Variants in DNAH17 observed in about 807,000 individuals in gnomAD.
DNAH17 encodes axonemal beta dynein heavy chain 17.
Under a neutral mutation model 485.6 loss-of-function variants are expected in DNAH17, and 376 were observed. The ratio of observed to expected loss-of-function variants is 0.77; its 90% CI spans 0.71 to 0.84. DNAH17 has a LOEUF of 0.84. Ranked by LOEUF, DNAH17 falls within the 40% of genes least tolerant of loss-of-function variation. The pLI is 0.00. For synonymous variants in DNAH17, 3,031 were observed against 2,405.9 expected, an observed-to-expected ratio of 1.26 and a Z score of -7.60; for missense variants, 6,370 against 5,839.3, an observed-to-expected ratio of 1.09 and a Z score of -2.96.
intron 26 of DNAH17, 54 bp downstream of exon 26, chr17:78,514,720 C>A: frequency 6.3e-7 from 1 of 1,582,620 alleles, no homozygotes; most frequent in Admixed American, 1.8e-5. Context: ...GCCCATCCTG[C>A]AGCAGAGCTG....
At chr17:78,509,655 C>T (rs533945300) in intron 27 of DNAH17, among the ~76,000 whole-genome samples, 4 of 152,066 alleles carry the variant, frequency 2.6e-5, no homozygotes, top group Non-Finnish European at 5.9e-5. Context: ...TAGCCAGTGG[C>T]GCATTAACAA....
rs557990398 is a variant in DNAH17 at position 78,522,163 on chromosome 17, CAGG to C, written c.3864+2843_3864+2845del. 3.4e-3 allele frequency: 531 copies of C among 157,232 alleles called. 1 individual carries two copies. Among genetic ancestry groups the C allele is most frequent in the Non-Finnish European group, 6.0e-3 (428 of 71,452 alleles). The allele number at this position is 157,232 out of a possible 1,614,324, so 9.7% of individuals were successfully genotyped here. On this transcript the variant is annotated intron_variant, in intron 25 of 80. Transcript: ENST00000389840. ...AAAAAACTTAGTTTTGGTTGCCGGG[CAGG>C]AGGAAGGTGCTGGCTGCAGAGGGAA...
Position 78,570,234 on chromosome 17 carries a change from A to G in DNAH17, c.1044+13T>C, listed in dbSNP as rs1555697807. 33 of 1,572,734 alleles carry G rather than the reference A, an allele frequency of 2.1e-5. 1 individual carries two copies. The South Asian group carries it at 3.7e-4, about 18-fold the overall frequency. On this transcript the variant is annotated intron_variant, in intron 7 of 80. Coordinates refer to ENST00000389840, the MANE Select transcript of DNAH17 (RefSeq NM_173628.4). ...AGGGGAGGAAGGGGACCCAGGGGCC[A>G]GGGGAGGGTTACCATCTCGATGATT...
At chr17:78,435,741 A>G (rs141883166) in intron 74 of DNAH17, among the ~76,000 whole-genome samples, 3 of 152,206 alleles carry the variant, frequency 2.0e-5, no homozygotes, top group Non-Finnish European at 4.4e-5. Context: ...ACTGGCAGAA[A>G]CCGTTCCAGG....
Position 78,571,795 on chromosome 17 carries a change from A to G in DNAH17, c.540-13T>C. 6.4e-7 allele frequency: 1 copy of G among 1,562,514 alleles called. No individual in the cohort carries two copies. Among genetic ancestry groups the G allele is most frequent in the South Asian group, 1.2e-5 (1 of 81,762 alleles). The stretch of plus-strand genomic sequence containing the variant: ...TGAAGAGGGGATCCTGCCCAGTGGA[A>G]GGTTGGGGCATTGCTCTCATGGCGA... On this transcript the variant is annotated splice_polypyrimidine_tract_variant and intron_variant, in intron 3 of 80. Coordinates refer to ENST00000389840, the MANE Select transcript of DNAH17 (RefSeq NM_173628.4).
intron 48 of DNAH17, among the ~76,000 whole-genome samples, chr17:78,484,591 G>A (rs919695601): frequency 2.6e-5 from 4 of 152,116 alleles, no homozygotes; most frequent in Non-Finnish European, 4.4e-5. Context: ...CTCCGCGGGG[G>A]CTCTAGGCCA....
chr17:78,565,953 AAAAC>A (rs1392823116), intron 11 of DNAH17, among the ~76,000 whole-genome samples: 32 of 151,684 alleles, frequency 2.1e-4, no homozygotes, highest in East Asian at 7.7e-4. Context: ...TCCATCTCAA[AAAAC>A]AAACAAACAA....
At chr17:78,460,374 G>C in intron 58 of DNAH17, 117 bp from the exon 59 acceptor site, 1 of 697,818 alleles carries the variant, frequency 1.4e-6, no homozygotes, top group Non-Finnish European at 2.3e-6. Flanking sequence ...ACGTGCATGA[G>C]TGTATGTGTG....
intron 69 of DNAH17, among the ~76,000 whole-genome samples, chr17:78,447,660 A>C (rs78805314): frequency 1.3e-5 from 2 of 152,060 alleles, no homozygotes; most frequent in African/African-American, 4.8e-5. Context: ...GCACTGAGGA[A>C]CTCTTATCCT....
intron 22 of DNAH17, 68 bp downstream of exon 22, chr17:78,529,404 G>A: frequency 2.0e-6 from 3 of 1,500,098 alleles, no homozygotes; most frequent in Non-Finnish European, 2.8e-6. Context: ...TGATGGGCTG[G>A]TCCATGGTCG....
intron 48 of DNAH17, among the ~76,000 whole-genome samples, chr17:78,482,338 T>TC (rs34955437): frequency 1.3e-5 from 2 of 152,160 alleles, no homozygotes; most frequent in Admixed American, 6.6e-5. Context: ...TTTGTTTTTT[T>TC]CCCCCATTAT....
At position 78,485,863 on chromosome 17, in the gene DNAH17, G is replaced by A. The variant is rs1598555689; in HGVS notation, c.7275+97C>T. 23 of 1,568,956 alleles carry A rather than the reference G, an allele frequency of 1.5e-5. 1 individual carries two copies. In the East Asian group the frequency reaches 1.8e-4, roughly 12 times the overall value. ...CGAACAGGTCCTAATGTTGAAAATCGGTTGTGTTTGGACATTCCGTGCAGG... is the reference window on the plus strand; with the variant it reads ...CGAACAGGTCCTAATGTTGAAAATCAGTTGTGTTTGGACATTCCGTGCAGG... On this transcript the variant is annotated intron_variant, in intron 46 of 80. Coordinates refer to ENST00000389840, the MANE Select transcript of DNAH17 (RefSeq NM_173628.4).
Position 78,491,560 on chromosome 17 carries a change from G to A in DNAH17, c.6552C>T (p.Ser2184=), listed in dbSNP as rs749068988. ...VTREWKDGLF[S]TIMRDLANIT... The stretch of plus-strand genomic sequence containing the variant: ...TGTTGGCCAGGTCTCGCATGATGGT[G>A]GAGAACAGGCCTGGGGGAGGCGCGT... Residue 2184 remains serine (S), a synonymous_variant, in exon 43 of 81, where the codon TCC becomes TCT. Transcript: ENST00000389840. The A allele has an allele frequency of 1.2e-6, 2 of 1,613,816 alleles. No homozygotes were observed. The highest frequency in any genetic ancestry group is 8.5e-7 in the Non-Finnish European group (1 of 1,179,914).
At position 78,502,984 on chromosome 17, in the gene DNAH17, C is replaced by T. The variant is rs1598602171; in HGVS notation, c.4984G>A (p.Asp1662Asn). 2.5e-6 allele frequency: 4 copies of T among 1,613,808 alleles called. No homozygotes were observed. The highest frequency in any genetic ancestry group is 2.2e-5 in the East Asian group (1 of 44,876). Residue 1662 changes from aspartate to asparagine, a missense_variant, in exon 32 of 81, where the codon GAC (aspartate) becomes AAC (asparagine). Physicochemically the swap from Asp to Asn is conservative, Grantham distance 23. Coordinates refer to ENST00000389840, the MANE Select transcript of DNAH17 (RefSeq NM_173628.4). ...QVEVWLNRVL[D>N]RMCSTLRHEI... ...TGCCGGAGGGTAGAGCACATTCGGT[C>T]CAGCACTCGATTCAGCCACACTTCC...
At chr17:78,534,013 TA>T (rs1056419715) in intron 19 of DNAH17, among the ~76,000 whole-genome samples, 1 of 151,966 alleles carries the variant, frequency 6.6e-6, no homozygotes, top group African/African-American at 2.4e-5. Flanking sequence ...AAAAATAAAA[TA>T]AAAAAACCTT....
rs201318737 is a variant in DNAH17, at chr17:78,568,104, C to CT, written c.1285-939dup. On this transcript the variant is annotated intron_variant, in intron 9 of 80. Coordinates refer to ENST00000389840, the MANE Select transcript of DNAH17 (RefSeq NM_173628.4). ...ACCCGACGCGGAGGACACAGACAAG[C>CT]TGGCATGGCCTGTTGTCAGGGGGTG... is the stretch of plus-strand genomic sequence containing the variant. 6.9e-3 allele frequency among the ~76,000 whole-genome samples: 1,053 copies of CT among 152,328 alleles called. 13 individuals are homozygous for CT. Among genetic ancestry groups the CT allele is most frequent in the African/African-American group, 0.024 (1,005 of 41,566 alleles).
Position 78,454,461 on chromosome 17 carries a change from C to T in DNAH17, c.10406+9G>A, listed in dbSNP as rs772665692. 59 of 1,605,988 alleles carry T rather than the reference C, an allele frequency of 3.7e-5. No homozygotes were observed. Among genetic ancestry groups the T allele is most frequent in the Non-Finnish European group, 4.8e-5 (56 of 1,176,072 alleles). ...CGGGCTTCGGCCCAGGTCCTGCGCC[C>T]GCACACACCTCTTCTGTCCCAGGCG... On this transcript the variant is annotated intron_variant, in intron 64 of 80. Transcript: ENST00000389840.
rs1645354184 is a variant in DNAH17 at position 78,476,464 on chromosome 17, C to G, written c.8154+108G>C. ...GGAACCTAACACGGATCTTCCCACCCCCAACAAAGGGCCCTTCTGAGAGGG... is the reference window on the plus strand; with the variant it reads ...GGAACCTAACACGGATCTTCCCACCGCCAACAAAGGGCCCTTCTGAGAGGG... On this transcript the variant is annotated intron_variant, in intron 52 of 80. Coordinates refer to ENST00000389840, the MANE Select transcript of DNAH17 (RefSeq NM_173628.4). 5 of 1,315,086 alleles carry G rather than the reference C, an allele frequency of 3.8e-6. No homozygotes were observed. In the East Asian group the frequency reaches 1.0e-4, roughly 27 times the overall value. The allele number at this position is 1,315,086 out of a possible 1,614,324, so 81.5% of individuals were successfully genotyped here.
In DNAH17 at chr17:78,458,411, G is replaced by A. The variant is rs144671261; in HGVS notation, c.9977+154C>T. ...GGCCACTGACTATGCAAGAGGCCAA[G>A]TTTTATCCTAATTACTTTGAGCTCA... On this transcript the variant is annotated intron_variant, in intron 62 of 80. Transcript: ENST00000389840. 77 of 659,400 alleles carry A rather than the reference G, an allele frequency of 1.2e-4. 1 individual carries two copies. In the African/African-American group the frequency reaches 1.2e-3, roughly 10 times the overall value. The allele number at this position is 659,400 out of a possible 1,614,324, so 40.8% of individuals were successfully genotyped here.
Sources: allele counts gnomAD v4.1 joint callset (sites outside exome capture counted in the v4.1 genomes callset), GRCh38; gene constraint gnomAD v4.1.1; transcripts MANE v1.5; gene names NCBI Gene and HGNC (gene_info 2026-07-23, HGNC 2026-07-21).